The following IL1RAPL2 variants were observed in gnomAD, a reference collection of about 807,000 sequenced individuals.
The protein encoded by IL1RAPL2 is interleukin 1 receptor accessory protein like 2, also known as X-linked interleukin-1 receptor accessory protein-like 2.
A neutral mutation model predicts 44.1 loss-of-function variants in IL1RAPL2; 3 were observed. The ratio of observed to expected loss-of-function variants is 0.07; its 90% CI spans 0.03 to 0.18. The LOEUF is 0.18. Ranked by LOEUF, IL1RAPL2 falls within the 10% of genes least tolerant of loss-of-function variation. The pLI is 1.00. For missense variants in IL1RAPL2, 391 were observed against 496.4 expected, an observed-to-expected ratio of 0.79 and a Z score of 2.02; for synonymous variants, 181 against 178.8, an observed-to-expected ratio of 1.01 and a Z score of -0.10.
At chrX:104,983,612 ATAT>A (rs200855635) in intron 2 of IL1RAPL2, among the ~76,000 whole-genome samples, 37,743 of 92,529 alleles carry the variant, frequency 0.41, 6,489 homozygotes, top group Non-Finnish European at 0.45. Context: ...ATAATATATA[ATAT>A]TATATTATAT....
In IL1RAPL2 at chrX:105,494,459, T is replaced by G. The variant is rs1365483167; in HGVS notation, c.772+10072T>G. The stretch of plus-strand genomic sequence containing the variant: ...TAGAAAATTGAGTAAGCTATTATCT[T>G]GCTTATTCATAATTGAGGTAGAAGG... On this transcript the variant is annotated intron_variant, in intron 6 of 10. Coordinates refer to ENST00000372582, the MANE Select transcript of IL1RAPL2 (RefSeq NM_017416.2). Among the ~76,000 whole-genome samples, 3 of 111,960 alleles carry G rather than the reference T, an allele frequency of 2.7e-5. No individual in the cohort carries two copies. In the Admixed American group the frequency reaches 2.8e-4, roughly 11 times the overall value.
At chrX:105,202,944 T>C (rs782199475) in intron 3 of IL1RAPL2, among the ~76,000 whole-genome samples, 2 of 111,971 alleles carry the variant, frequency 1.8e-5, no homozygotes, top group South Asian at 7.4e-4. Context: ...TTTTATTTTA[T>C]ATTCTTAGAC....
chrX:104,905,305 T>G (rs939816707), intron 2 of IL1RAPL2, among the ~76,000 whole-genome samples: 3 of 111,902 alleles, frequency 2.7e-5, no homozygotes, highest in South Asian at 3.7e-4. Flanking sequence ...CTCTTTAGTT[T>G]AATTAGATCC....
chrX:105,380,445 G>A (rs2035421091), intron 5 of IL1RAPL2, among the ~76,000 whole-genome samples: 1 of 110,772 alleles, frequency 9.0e-6, no homozygotes, highest in Non-Finnish European at 1.9e-5. Context: ...TAACATACCT[G>A]ATTGAAAGGA....
intron 6 of IL1RAPL2, among the ~76,000 whole-genome samples, chrX:105,665,178 C>T (rs192881440): frequency 1.9e-4 from 21 of 111,222 alleles, no homozygotes; most frequent in African/African-American, 6.5e-4. Context: ...GGGGGATTAG[C>T]GGCCCTAACC....
At chrX:105,066,648 G>A (rs1360441613) in intron 2 of IL1RAPL2, among the ~76,000 whole-genome samples, 1 of 111,577 alleles carries the variant, frequency 9.0e-6, no homozygotes, top group Non-Finnish European at 1.9e-5. Context: ...ATGCTTTGAT[G>A]GTGGGTAGTC....
intron 2 of IL1RAPL2, among the ~76,000 whole-genome samples, chrX:104,722,658 T>C (rs1194391071): frequency 8.9e-6 from 1 of 111,977 alleles, no homozygotes; most frequent in Non-Finnish European, 1.9e-5. Context: ...GTCTCTCATA[T>C]TGCTTTTCCA....
At chrX:104,852,585 C>T (rs909439897) in intron 2 of IL1RAPL2, among the ~76,000 whole-genome samples, 10 of 111,803 alleles carry the variant, frequency 8.9e-5, no homozygotes, top group African/African-American at 3.3e-4. Flanking sequence ...ACAAGCTATG[C>T]CTGAGATTAG....
chrX:104,953,010 G>A (rs759200180), intron 2 of IL1RAPL2, among the ~76,000 whole-genome samples: 19 of 112,091 alleles, frequency 1.7e-4, no homozygotes, highest in Admixed American at 1.1e-3. Flanking sequence ...TATCAATAAT[G>A]CATTTGTTCT....
chrX:105,589,235 T>C, intron 6 of IL1RAPL2, among the ~76,000 whole-genome samples: 1 of 111,359 alleles, frequency 9.0e-6, no homozygotes, highest in South Asian at 3.7e-4. Context: ...AATGGGGTAA[T>C]TTTTTTTCTT....
At chrX:104,891,433 A>T (rs1441658740) in intron 2 of IL1RAPL2, among the ~76,000 whole-genome samples, 2 of 112,195 alleles carry the variant, frequency 1.8e-5, no homozygotes, top group Non-Finnish European at 3.8e-5. Context: ...ATCCATGAGC[A>T]TGGAATGTTC....
At chrX:104,837,529 T>C (rs1464123224) in intron 2 of IL1RAPL2, among the ~76,000 whole-genome samples, 2 of 112,352 alleles carry the variant, frequency 1.8e-5, no homozygotes, top group African/African-American at 6.5e-5. Flanking sequence ...TGTCTTCTTT[T>C]GAGAAGTGTC....
At chrX:105,098,418 C>A (rs1327502085) in intron 2 of IL1RAPL2, among the ~76,000 whole-genome samples, 1 of 112,073 alleles carries the variant, frequency 8.9e-6, no homozygotes. Context: ...CATGGGACAT[C>A]ATTCACTCTG....
chrX:104,855,681 G>GTGTTTGTTTTTTTTTTTTTTT, intron 2 of IL1RAPL2, among the ~76,000 whole-genome samples: 1 of 53,880 alleles, frequency 1.9e-5, no homozygotes, highest in Non-Finnish European at 4.1e-5. Context: ...ATCTGGATCC[G>GTGTTTGTTTTTTTTTTTTTTT]TTTTTTTTTT....
intron 5 of IL1RAPL2, among the ~76,000 whole-genome samples, chrX:105,408,194 G>T (rs1449175261): frequency 8.9e-6 from 1 of 112,173 alleles, no homozygotes; most frequent in African/African-American, 3.2e-5. Flanking sequence ...GCTGGTCCAA[G>T]ATGTAATACC....
At chrX:105,019,159 G>T (rs966021975) in intron 2 of IL1RAPL2, among the ~76,000 whole-genome samples, 6 of 111,950 alleles carry the variant, frequency 5.4e-5, no homozygotes, top group African/African-American at 9.7e-5. Flanking sequence ...CATGCAATGG[G>T]AGTATTTAAG....
At chrX:105,701,827 CTG>C (rs781720048) in intron 6 of IL1RAPL2, among the ~76,000 whole-genome samples, 20 of 111,494 alleles carry the variant, frequency 1.8e-4, no homozygotes, top group Non-Finnish European at 2.8e-4. Context: ...TTTTGTTTTG[CTG>C]TGTTTTCCTC....
chrX:104,633,376 C>T (rs1293562353), intron 1 of IL1RAPL2, among the ~76,000 whole-genome samples: 1 of 111,565 alleles, frequency 9.0e-6, no homozygotes, highest in Non-Finnish European at 1.9e-5. Flanking sequence ...AGGGAGGATT[C>T]CCTCTTTTTC....
intron 3 of IL1RAPL2, among the ~76,000 whole-genome samples, chrX:105,210,367 C>G (rs2033798445): frequency 9.0e-6 from 1 of 111,668 alleles, no homozygotes; most frequent in Admixed American, 9.5e-5. Context: ...TCACTCCACC[C>G]TATACCCTAA....
Sources: allele counts gnomAD v4.1 joint callset (sites outside exome capture counted in the v4.1 genomes callset), GRCh38; gene constraint gnomAD v4.1.1; transcripts MANE v1.5; gene names NCBI Gene and HGNC (gene_info 2026-07-23, HGNC 2026-07-21).